Variants in NOL4L observed in about 807,000 individuals in gnomAD.
NOL4L encodes nucleolar protein 4-like.
NOL4L carries 7 observed loss-of-function variants against 64.5 expected under a neutral mutation model. That is an observed-to-expected ratio of 0.11 (90% CI 0.06 to 0.20). The LOEUF (loss-of-function observed/expected upper bound fraction) is 0.20, where lower values mean the gene tolerates loss of function less well. NOL4L is among the 10% of genes least tolerant of loss of function. The probability of loss-of-function intolerance (pLI) is 1.00; values close to 1 mark genes in which losing one functional copy is unlikely to be tolerated. For synonymous variants in NOL4L, 413 were observed against 401.0 expected (o/e 1.03, Z -0.36); for missense variants, 680 against 967.1 (o/e 0.70, Z 3.94).
At chr20:32,462,903 T>TAAAAAAAAAAAAAAAAAAAAA (rs564168973) in intron 5 of NOL4L, among the ~76,000 whole-genome samples, 8 of 76,656 alleles carry the variant, frequency 1.0e-4, no homozygotes, top group Non-Finnish European at 1.2e-4. Context: ...GACTCTGTCT[T>TAAAAAAAAAAAAAAAAAAAAA]AAAAAAAAAA....
At chr20:32,514,898 T>C (rs1465177281) in intron 3 of NOL4L, among the ~76,000 whole-genome samples, 4 of 151,980 alleles carry the variant, frequency 2.6e-5, no homozygotes, top group African/African-American at 9.7e-5. Context: ...TGTGACATCA[T>C]GGTGAGTGTG....
Position 32,527,742 on chromosome 20 carries a change from G to A in NOL4L, c.477+16C>T, listed in dbSNP as rs1239646384. The stretch of plus-strand genomic sequence containing the variant: ...GCCTGGGGCTGCCAGTGGAGGCAAA[G>A]AGACAGAAATCTCACCGCTCGGTAG... On this transcript the variant is annotated intron_variant, in intron 2 of 10. Coordinates refer to ENST00000621426, the MANE Select transcript of NOL4L (RefSeq NM_001256798.2). The A allele has an allele frequency of 1.3e-6, 2 of 1,541,518 alleles. No individual in the cohort carries two copies. The highest frequency in any genetic ancestry group is 1.8e-6 in the Non-Finnish European group (2 of 1,140,468).
chr20:32,530,496 G>A (rs970360346), intron 1 of NOL4L, among the ~76,000 whole-genome samples: 15 of 151,394 alleles, frequency 9.9e-5, no homozygotes, highest in Non-Finnish European at 1.3e-4. Context: ...AGCCGAGATC[G>A]CGCCACCGCA....
chr20:32,512,062 C>T (rs998892266), intron 3 of NOL4L, among the ~76,000 whole-genome samples: 2 of 152,090 alleles, frequency 1.3e-5, no homozygotes, highest in Non-Finnish European at 2.9e-5. Context: ...AACACACACA[C>T]ACGTTTATAG....
Position 32,464,692 on chromosome 20 carries a change from T to C in NOL4L, c.842-8297A>G, listed in dbSNP as rs1407146950. On this transcript the variant is annotated intron_variant, in intron 5 of 10. Transcript: ENST00000621426. The surrounding 1 kb of genome is among the most constrained non-coding windows in gnomAD (Gnocchi z 5.6). ...AGGCCCTCACAGTCGGGAGCAGCAC[T>C]GTCCGACAGAAACAGAGTGGGAGCC... is the stretch of plus-strand genomic sequence containing the variant. 2 of 246,200 alleles carry C rather than the reference T, an allele frequency of 8.1e-6. No individual in the cohort carries two copies. Among genetic ancestry groups the C allele is most frequent in the Non-Finnish European group, 1.5e-5 (2 of 129,408 alleles). 15.3% of individuals were successfully genotyped at this position (246,200 alleles called of 1,614,324 possible).
At chr20:32,492,954 C>T (rs1442819439) in intron 4 of NOL4L, among the ~76,000 whole-genome samples, 1 of 152,256 alleles carries the variant, frequency 6.6e-6, no homozygotes, top group Admixed American at 6.5e-5. Context: ...AGCCAGGCCA[C>T]GTGGTGCTGC....
intron 4 of NOL4L, among the ~76,000 whole-genome samples, chr20:32,492,376 G>T (rs1452662800): frequency 6.6e-6 from 1 of 152,210 alleles, no homozygotes; most frequent in Admixed American, 6.5e-5. Context: ...CAAAATCAAT[G>T]TATGCTCCTA....
intron 4 of NOL4L, among the ~76,000 whole-genome samples, chr20:32,487,722 G>A (rs566451576): frequency 3.3e-5 from 5 of 152,226 alleles, no homozygotes; most frequent in African/African-American, 7.2e-5. Flanking sequence ...TCTGAGTTAC[G>A]TTTTTAGATC....
At chr20:32,557,235 C>T (rs1013789365) in intron 1 of NOL4L, among the ~76,000 whole-genome samples, 3 of 152,250 alleles carry the variant, frequency 2.0e-5, no homozygotes, top group African/African-American at 7.2e-5. Context: ...TCCCCGCTAC[C>T]GTCCTGCCCT....
intron 4 of NOL4L, among the ~76,000 whole-genome samples, chr20:32,481,971 G>GGA (rs1555794925): frequency 1.3e-5 from 2 of 148,690 alleles, no homozygotes; most frequent in Admixed American, 6.7e-5. Flanking sequence ...GGGCGGGGGG[G>GGA]GGGGAGCAGG....
At chr20:32,451,016 C>T (rs1035655554) in intron 10 of NOL4L, among the ~76,000 whole-genome samples, 28 of 152,286 alleles carry the variant, frequency 1.8e-4, no homozygotes, top group Non-Finnish European at 3.5e-4. Context: ...CGAGTGGAGG[C>T]AGCCTGGGCT....
At position 32,448,711 on chromosome 20, in the gene NOL4L, T is replaced by C. The variant is rs1396967439; in HGVS notation, c.1823-895A>G. Among the ~76,000 whole-genome samples, 3 of 152,296 alleles carry C rather than the reference T, an allele frequency of 2.0e-5. No homozygotes were observed. The East Asian group carries it at 5.8e-4, about 29-fold the overall frequency. On this transcript the variant is annotated intron_variant, in intron 10 of 10. Coordinates refer to ENST00000621426, the MANE Select transcript of NOL4L (RefSeq NM_001256798.2). The stretch of plus-strand genomic sequence containing the variant: ...CTGCCCGCCCTTTGTCCTCGGATGA[T>C]GGCAAAGAGGGAGCCTGCCATCTTT...
intron 2 of NOL4L, among the ~76,000 whole-genome samples, chr20:32,524,779 G>A (rs1314343647): frequency 6.6e-6 from 1 of 152,196 alleles, no homozygotes; most frequent in African/African-American, 2.4e-5. Context: ...CTAGGTATGG[G>A]TCGAGGAAAA....
At chr20:32,566,179 ACTC>A (rs1336742318) in intron 1 of NOL4L, among the ~76,000 whole-genome samples, 1 of 151,970 alleles carries the variant, frequency 6.6e-6, no homozygotes, top group African/African-American at 2.4e-5. Context: ...GGGCTGCAAA[ACTC>A]CTGTCCCTGT....
rs1004090085 is a variant in NOL4L at position 32,579,299 on chromosome 20, A to C, written c.321+5271T>G. ...TTCCAGCCTGCACATAGATAGGAAC[A>C]GCACACTCACACCCACACAGTTGCA... is the stretch of plus-strand genomic sequence containing the variant. On this transcript the variant is annotated intron_variant, in intron 1 of 10. Transcript: ENST00000621426. Among the ~76,000 whole-genome samples, 3 of 152,246 alleles carry C rather than the reference A, an allele frequency of 2.0e-5. No individual in the cohort carries two copies. The South Asian group carries it at 6.2e-4, about 32-fold the overall frequency.
At chr20:32,539,844 A>G (rs1108445) in intron 1 of NOL4L, among the ~76,000 whole-genome samples, 47,645 of 151,902 alleles carry the variant, frequency 0.31, 8,532 homozygotes, top group East Asian at 0.77. Flanking sequence ...CACCAGGGGT[A>G]GGCTGTGCCC....
chr20:32,512,209 C>T (rs1390333461), intron 3 of NOL4L, among the ~76,000 whole-genome samples: 3 of 152,154 alleles, frequency 2.0e-5, no homozygotes, highest in Non-Finnish European at 4.4e-5. Context: ...CAGTCCCCAC[C>T]ACTCCTTATC....
chr20:32,546,178 C>A (rs2018730802), intron 1 of NOL4L, among the ~76,000 whole-genome samples: 1 of 152,124 alleles, frequency 6.6e-6, no homozygotes, highest in Non-Finnish European at 1.5e-5. Context: ...GAACACCTGA[C>A]CTCATGACCT....
chr20:32,561,362 C>T (rs1463261055), intron 1 of NOL4L, among the ~76,000 whole-genome samples: 2 of 152,228 alleles, frequency 1.3e-5, no homozygotes, highest in Non-Finnish European at 2.9e-5. Flanking sequence ...CGCTGGAATG[C>T]TTCTCTCACT....
Sources: allele counts gnomAD v4.1 joint callset (sites outside exome capture counted in the v4.1 genomes callset), GRCh38; gene constraint gnomAD v4.1.1; non-coding constraint Gnocchi (gnomAD v3.1); transcripts MANE v1.5; gene names NCBI Gene and HGNC (gene_info 2026-07-23, HGNC 2026-07-21).